The following TMEM260 variants were observed in gnomAD, a reference collection of about 807,000 sequenced individuals.
The protein encoded by TMEM260 is protein O-mannosyl-transferase TMEM260.
In TMEM260, 82 loss-of-function variants were observed where a neutral mutation model predicts 88.9. The observed-to-expected ratio is 0.92, with a 90% CI of 0.77 to 1.11. The LOEUF is 1.11. TMEM260 is among the 50% of genes least tolerant of loss of function. The pLI is 0.00. For missense variants in TMEM260, 902 were observed against 853.4 expected, an observed-to-expected ratio of 1.06 and a Z score of -0.71; for synonymous variants, 314 against 309.3, an observed-to-expected ratio of 1.02 and a Z score of -0.16.
At chr14:56,654,894 T>C (rs945660948), downstream of TMEM260, among the ~76,000 whole-genome samples, 6 of 150,498 alleles carry the variant, frequency 4.0e-5, no homozygotes, top group South Asian at 4.2e-4. Context: ...GTGTCTGATA[T>C]CCTAAATATG....
intron 6 of TMEM260, among the ~76,000 whole-genome samples, chr14:56,611,255 C>T (rs780929331): frequency 1.6e-4 from 25 of 152,156 alleles, no homozygotes; most frequent in African/African-American, 5.3e-4. Flanking sequence ...TGTGAGCCAC[C>T]GCACCCAGCC....
intron 12 of TMEM260, among the ~76,000 whole-genome samples, chr14:56,632,625 T>C (rs1594878547): frequency 6.6e-6 from 1 of 152,084 alleles, no homozygotes; most frequent in African/African-American, 2.4e-5. Flanking sequence ...CTTCCTTTTT[T>C]CCCCCATGAG....
chr14:56,620,260 A>C (rs1887833639), intron 10 of TMEM260, among the ~76,000 whole-genome samples: 1 of 152,188 alleles, frequency 6.6e-6, no homozygotes, highest in Non-Finnish European at 1.5e-5. Context: ...CCTTTATAAC[A>C]ACAAACCCAC....
downstream of TMEM260, among the ~76,000 whole-genome samples, chr14:56,651,347 CTCT>C (rs1215199368): frequency 4.6e-5 from 7 of 151,956 alleles, no homozygotes; most frequent in African/African-American, 9.7e-5. Context: ...ATTCTGATTG[CTCT>C]TCAACAATGT....
chr14:56,647,257 T>G lies in TMEM260; in HGVS notation c.1884T>G (p.Ile628Met). ...CTGTTTTCTAGCTTTATAAGGAGAT[T>G]GTCTATTTACAAAAGGAGCACCCAG... The part of the protein sequence containing the change: ...YAQAYDLYKE[I>M]VYLQKEHPVN... Residue 628 changes from isoleucine to methionine, a missense_variant, in exon 16 of 16, where the codon ATT (isoleucine) becomes ATG (methionine). Physicochemically the swap from Ile to Met is conservative, Grantham distance 10. Coordinates refer to ENST00000261556, the MANE Select transcript of TMEM260 (RefSeq NM_017799.4). 5.0e-6 allele frequency: 8 copies of G among 1,612,680 alleles called. No homozygotes were observed. The highest frequency in any genetic ancestry group is 6.8e-6 in the Non-Finnish European group (8 of 1,179,366).
At chr14:56,632,135 A>G (rs894598378) in intron 12 of TMEM260, among the ~76,000 whole-genome samples, 3 of 152,104 alleles carry the variant, frequency 2.0e-5, no homozygotes, top group Non-Finnish European at 4.4e-5. Flanking sequence ...ATACAACTTT[A>G]TGGCATTGCT....
At chr14:56,601,168 A>G (rs1377039141) in intron 3 of TMEM260, among the ~76,000 whole-genome samples, 3 of 152,222 alleles carry the variant, frequency 2.0e-5, no homozygotes, top group Non-Finnish European at 4.4e-5. Context: ...CTTATGAAAT[A>G]TTTGAAAAGG....
chr14:56,581,859 T>C (rs1885159486), intron 1 of TMEM260, among the ~76,000 whole-genome samples: 2 of 152,258 alleles, frequency 1.3e-5, no homozygotes, highest in South Asian at 4.1e-4. Flanking sequence ...AATTCTTTTC[T>C]AAATCCACCA....
chr14:56,630,709 A>ATGAG, intron 12 of TMEM260, among the ~76,000 whole-genome samples: 1 of 151,962 alleles, frequency 6.6e-6, no homozygotes, highest in Non-Finnish European at 1.5e-5. Flanking sequence ...TTTTTCCCTT[A>ATGAG]TGAGTTGAGA....
chr14:56,625,657 A>G (rs1888205894), intron 12 of TMEM260, 127 bp downstream of exon 12: 2 of 659,420 alleles, frequency 3.0e-6, no homozygotes, highest in East Asian at 5.7e-5. Flanking sequence ...TGGTGAGATT[A>G]TCTTTGTAAT....
At chr14:56,591,146 T>A (rs1181562544) in intron 3 of TMEM260, among the ~76,000 whole-genome samples, 2 of 152,236 alleles carry the variant, frequency 1.3e-5, no homozygotes, top group African/African-American at 4.8e-5. Flanking sequence ...TAAATCTGTT[T>A]CCTGCCGAGA....
intron 3 of TMEM260, among the ~76,000 whole-genome samples, chr14:56,589,147 G>A (rs923978734): frequency 1.3e-5 from 2 of 152,038 alleles, no homozygotes; most frequent in Non-Finnish European, 2.9e-5. Flanking sequence ...TCCTTCATAT[G>A]TTCCGGTATC....
intron 6 of TMEM260, among the ~76,000 whole-genome samples, chr14:56,609,940 C>G (rs1341719484): frequency 1.1e-4 from 17 of 152,072 alleles, no homozygotes; most frequent in Admixed American, 1.1e-3. Flanking sequence ...TCAGGTTTTT[C>G]TTTCTTGGTT....
intron 1 of TMEM260, among the ~76,000 whole-genome samples, chr14:56,582,580 C>T (rs1322500245): frequency 6.6e-6 from 1 of 152,114 alleles, no homozygotes; most frequent in Non-Finnish European, 1.5e-5. Context: ...CAGACAGGAA[C>T]GTACTTCAGA....
At chr14:56,633,992 G>A (rs1888830768) in intron 13 of TMEM260, among the ~76,000 whole-genome samples, 1 of 152,214 alleles carries the variant, frequency 6.6e-6, no homozygotes, top group African/African-American at 2.4e-5. Flanking sequence ...ATAACAGCCA[G>A]AGATGGATGA....
intron 3 of TMEM260, among the ~76,000 whole-genome samples, chr14:56,602,818 A>G (rs927921190): frequency 3.3e-5 from 5 of 152,164 alleles, no homozygotes; most frequent in Non-Finnish European, 7.4e-5. Context: ...TAATCATTTA[A>G]AAATAATGAT....
At position 56,648,015 on chromosome 14, in the gene TMEM260, C is replaced by T. The variant is rs1398725244; in HGVS notation, c.*518C>T. ...ACATAGTCTTACACTTCAAGCTAAA[C>T]ACCAAATGGGTGATATTTTGAAAAA... On this transcript the variant is annotated 3_prime_UTR_variant, in exon 16 of 16. Coordinates refer to ENST00000261556, the MANE Select transcript of TMEM260 (RefSeq NM_017799.4). 1 of 151,748 alleles carries T rather than the reference C, an allele frequency of 6.6e-6. No individual in the cohort carries two copies. Among genetic ancestry groups the T allele is most frequent in the African/African-American group, 2.4e-5 (1 of 41,194 alleles). 9.4% of individuals were successfully genotyped at this position (151,748 alleles called of 1,614,324 possible).
intron 15 of TMEM260, among the ~76,000 whole-genome samples, chr14:56,640,256 G>A (rs1008623842): frequency 2.0e-5 from 3 of 152,170 alleles, no homozygotes; most frequent in Non-Finnish European, 4.4e-5. Context: ...CAGTAGGGGT[G>A]GACTGACACC....
At position 56,647,597 on chromosome 14, in the gene TMEM260, A is replaced by G. The variant is rs957483749; in HGVS notation, c.*100A>G. The G allele has an allele frequency of 3.3e-5, 44 of 1,325,992 alleles. No individual in the cohort carries two copies. In the Admixed American group the frequency reaches 9.7e-4, roughly 29 times the overall value. 82.1% of individuals were successfully genotyped at this position (1,325,992 alleles called of 1,614,324 possible). A position where few individuals can be genotyped will look rare whatever the true frequency, so the allele number is the denominator to read the frequency against. ...AAAGAAACTGCATAAAAAATTTAAA[A>G]CTAAGTCATCTCCCAGATATAAGTA... On this transcript the variant is annotated 3_prime_UTR_variant, in exon 16 of 16. Coordinates refer to ENST00000261556, the MANE Select transcript of TMEM260 (RefSeq NM_017799.4).
Sources: gnomAD v4.1 joint callset for allele counts (sites outside exome capture counted in the v4.1 genomes callset) on GRCh38, gnomAD v4.1.1 for gene constraint, MANE v1.5 for transcripts, NCBI Gene and HGNC (gene_info 2026-07-23, HGNC 2026-07-21) for gene names.